The following FAM114A2 variants were observed in gnomAD, a reference collection of about 807,000 sequenced individuals.
The protein encoded by FAM114A2 is family with sequence similarity 114 member A2.
A neutral mutation model predicts 58.4 loss-of-function variants in FAM114A2; 53 were observed. The ratio of observed to expected loss-of-function variants is 0.91; its 90% CI spans 0.73 to 1.14. The LOEUF is 1.14. Among genes scored for constraint, FAM114A2 ranks in the 50% most tolerant of loss-of-function variants. The pLI, the probability that FAM114A2 is intolerant of heterozygous loss-of-function variation, is 0.00. For synonymous variants in FAM114A2, 228 were observed against 211.4 expected, an observed-to-expected ratio of 1.08 and a Z score of -0.68; for missense variants, 601 against 581.1, an observed-to-expected ratio of 1.03 and a Z score of -0.35.
intron 4 of FAM114A2, among the ~76,000 whole-genome samples, chr5:154,030,213 T>C (rs1772087114): frequency 6.6e-6 from 1 of 152,214 alleles, no homozygotes; most frequent in South Asian, 2.1e-4. Flanking sequence ...CTATTTTAAA[T>C]TTTATCCTAG....
intron 9 of FAM114A2, among the ~76,000 whole-genome samples, chr5:154,006,962 A>G (rs938816690): frequency 6.6e-6 from 1 of 151,900 alleles, no homozygotes; most frequent in African/African-American, 2.4e-5. Flanking sequence ...GCGCCTGACT[A>G]ATTTTTGTAG....
chr5:154,027,690 G>A (rs184931361), intron 6 of FAM114A2: 160 of 196,600 alleles, frequency 8.1e-4, no homozygotes, highest in Admixed American at 3.4e-3. Flanking sequence ...TAGAAGAGAC[G>A]GGGTTTCATC....
intron 12 of FAM114A2, 44 bp downstream of exon 12, chr5:153,997,759 G>A (rs762123250): frequency 8.6e-7 from 1 of 1,161,148 alleles, no homozygotes; most frequent in Non-Finnish European, 1.3e-6. Context: ...AACTGCTAAA[G>A]AAACCAGACA....
intron 4 of FAM114A2, among the ~76,000 whole-genome samples, chr5:154,033,398 C>T (rs1434194229): frequency 1.3e-5 from 2 of 152,174 alleles, no homozygotes; most frequent in African/African-American, 4.8e-5. Flanking sequence ...AAAAGGAATA[C>T]ACCCCCAAAA....
intron 8 of FAM114A2, among the ~76,000 whole-genome samples, chr5:154,024,982 C>T (rs1771681031): frequency 6.6e-6 from 1 of 152,172 alleles, no homozygotes; most frequent in South Asian, 2.1e-4. Context: ...TATCATGACT[C>T]ACAAATAAAT....
intron 8 of FAM114A2, among the ~76,000 whole-genome samples, chr5:154,017,502 A>AC (rs1366743666): frequency 2.2e-5 from 2 of 92,272 alleles, no homozygotes; most frequent in African/African-American, 3.5e-5. Context: ...ATAGTGGGGG[A>AC]CTTTAACACC....
chr5:154,020,257 A>G (rs1771316132), intron 8 of FAM114A2, among the ~76,000 whole-genome samples: 1 of 152,216 alleles, frequency 6.6e-6, no homozygotes, highest in South Asian at 2.1e-4. Flanking sequence ...GCAAGAGCGA[A>G]CAAATTCAAA....
chr5:154,006,451 T>G (rs79412680), intron 9 of FAM114A2, among the ~76,000 whole-genome samples: 3 of 152,034 alleles, frequency 2.0e-5, no homozygotes, highest in Non-Finnish European at 4.4e-5. Context: ...GCCATACAAA[T>G]AGTTAGGCAA....
In FAM114A2 at chr5:154,022,823, G is replaced by A. The variant is rs151121074; in HGVS notation, c.913+3576C>T. Reference sequence around the variant, plus strand: ...AGGATTATAAATCATGCTACTATGAGGACACATGCACACATATGTTTATTG... The same window carrying A: ...AGGATTATAAATCATGCTACTATGAAGACACATGCACACATATGTTTATTG... On this transcript the variant is annotated intron_variant, in intron 8 of 13. Transcript: ENST00000351797. 9.6e-3 allele frequency among the ~76,000 whole-genome samples: 1,465 copies of A among 152,148 alleles called. 20 individuals are homozygous for A. Among genetic ancestry groups the A allele is most frequent in the African/African-American group, 0.034 (1,407 of 41,494 alleles).
intron 4 of FAM114A2, among the ~76,000 whole-genome samples, chr5:154,031,440 T>C (rs915820149): frequency 1.3e-5 from 2 of 151,306 alleles, no homozygotes; most frequent in East Asian, 3.9e-4. Flanking sequence ...AGATGATCAA[T>C]GATTTCCATC....
rs1769216308 is a variant in FAM114A2 at position 153,990,641 on chromosome 5, TC to T, written c.*2334del. On this transcript the variant is annotated 3_prime_UTR_variant, in exon 14 of 14. Transcript: ENST00000351797. Reference sequence around the variant, plus strand: ...TTTCAGATCAAATTAATAAAGTCTCTCTTAATCACAGCCTTTTAAAATCTCA... The same window carrying T: ...TTTCAGATCAAATTAATAAAGTCTCTTTAATCACAGCCTTTTAAAATCTCA... 6.6e-6 allele frequency: 1 copy of T among 152,166 alleles called. No homozygotes were observed. The highest frequency in any genetic ancestry group is 6.5e-5 in the Admixed American group (1 of 15,282). 9.4% of individuals were successfully genotyped at this position (152,166 alleles called of 1,614,324 possible). A position where few individuals can be genotyped will look rare whatever the true frequency, so the allele number is the denominator to read the frequency against.
At chr5:154,010,784 C>T (rs1770640339) in intron 9 of FAM114A2, among the ~76,000 whole-genome samples, 1 of 152,192 alleles carries the variant, frequency 6.6e-6, no homozygotes, top group Admixed American at 6.5e-5. Flanking sequence ...AATACTCTCT[C>T]ATTTCCACAC....
At chr5:154,033,986 G>T in intron 3 of FAM114A2, 103 bp from the exon 4 acceptor site, 1 of 751,882 alleles carries the variant, frequency 1.3e-6, no homozygotes, top group African/African-American at 1.8e-5. Flanking sequence ...CACAAGACAT[G>T]TTATTTTGAC....
intron 8 of FAM114A2, among the ~76,000 whole-genome samples, chr5:154,018,544 C>G (rs12516213): frequency 6.6e-6 from 1 of 152,100 alleles, no homozygotes; most frequent in Non-Finnish European, 1.5e-5. Flanking sequence ...GGAACCCTCA[C>G]TAAATCATTC....
At chr5:154,032,464 CA>C (rs1772265287) in intron 4 of FAM114A2, among the ~76,000 whole-genome samples, 2 of 152,220 alleles carry the variant, frequency 1.3e-5, no homozygotes, top group East Asian at 3.9e-4. Flanking sequence ...TATTCAAAGC[CA>C]CTTCTAACCC....
intron 4 of FAM114A2, among the ~76,000 whole-genome samples, chr5:154,032,102 A>G (rs1772244537): frequency 6.6e-6 from 1 of 152,258 alleles, no homozygotes; most frequent in Non-Finnish European, 1.5e-5. Context: ...ACACTGATCA[A>G]AGATTCAAAA....
At chr5:153,997,961 C>T in intron 11 of FAM114A2, 86 bp from the exon 12 acceptor site, 1 of 798,432 alleles carries the variant, frequency 1.3e-6, no homozygotes, top group Middle Eastern at 2.6e-4. Flanking sequence ...GAGAACAAAT[C>T]ACTTCTGGTA....
At chr5:154,015,536 T>G (rs1240638606) in intron 8 of FAM114A2, among the ~76,000 whole-genome samples, 1 of 152,040 alleles carries the variant, frequency 6.6e-6, no homozygotes, top group South Asian at 2.1e-4. Flanking sequence ...TCACTACAGC[T>G]TGGCTCTCAG....
chr5:154,033,311 A>G lies in FAM114A2; in HGVS notation c.403+480T>C, dbSNP rs987593219. 5.0e-4 allele frequency among the ~76,000 whole-genome samples: 76 copies of G among 152,344 alleles called. 1 individual carries two copies. The highest frequency in any genetic ancestry group is 1.7e-3 in the African/African-American group (72 of 41,578). On this transcript the variant is annotated intron_variant, in intron 4 of 13. Coordinates refer to ENST00000351797, the MANE Select transcript of FAM114A2 (RefSeq NM_018691.4). ...ATTTCTGGTTATAATTCTAGCCTTC[A>G]TAGTTTGAGAGTAGGTTTCTGTCTG... is the stretch of plus-strand genomic sequence containing the variant.
Sources: gnomAD v4.1 joint callset for allele counts (sites outside exome capture counted in the v4.1 genomes callset) on GRCh38, gnomAD v4.1.1 for gene constraint, MANE v1.5 for transcripts, NCBI Gene and HGNC (gene_info 2026-07-23, HGNC 2026-07-21) for gene names.